GSKIP: variants seen among roughly 807,000 people sequenced by gnomAD.
GSKIP encodes GSK3B interacting protein, also known as GSK3B-interacting protein.
A neutral mutation model predicts 11.9 loss-of-function variants in GSKIP; 5 were observed. The observed-to-expected ratio is 0.42, with a 90% CI of 0.22 to 0.89. The LOEUF (loss-of-function observed/expected upper bound fraction) is 0.89. GSKIP is among the 40% of genes least tolerant of loss of function. The pLI is 0.29. For synonymous variants in GSKIP, 70 were observed against 62.9 expected, an observed-to-expected ratio of 1.11 and a Z score of -0.54; for missense variants, 150 against 166.6, an observed-to-expected ratio of 0.90 and a Z score of 0.55.
chr14:96,381,087 G>A (rs1889333958), intron 2 of GSKIP, among the ~76,000 whole-genome samples: 1 of 152,184 alleles, frequency 6.6e-6, no homozygotes, highest in African/African-American at 2.4e-5. Context: ...CAAAAAGAAA[G>A]CACAATAGCT....
chr14:96,365,895 A>C (rs1333573073), intron 1 of GSKIP, among the ~76,000 whole-genome samples: 1 of 151,984 alleles, frequency 6.6e-6, no homozygotes, highest in Non-Finnish European at 1.5e-5. Flanking sequence ...GAGGAGTGAC[A>C]CAGTATGGCC....
At chr14:96,384,119 A>G (rs989436745) in intron 3 of GSKIP, among the ~76,000 whole-genome samples, 3 of 152,228 alleles carry the variant, frequency 2.0e-5, no homozygotes, top group Non-Finnish European at 4.4e-5. Flanking sequence ...GATCTGAACC[A>G]TATGTAAAAC....
chr14:96,382,552 C>T, intron 3 of GSKIP, 47 bp downstream of exon 3: 1 of 1,458,690 alleles, frequency 6.9e-7, no homozygotes, highest in Non-Finnish European at 9.3e-7. Flanking sequence ...ATGTCTTTAC[C>T]ACTTTATCAA....
chr14:96,383,218 T>C (rs1017296987), intron 3 of GSKIP, among the ~76,000 whole-genome samples: 1 of 152,284 alleles, frequency 6.6e-6, no homozygotes, highest in South Asian at 2.1e-4. Flanking sequence ...AAGACCAGCC[T>C]GGGCAGCATA....
chr14:96,374,775 G>A (rs1889150289), intron 1 of GSKIP, among the ~76,000 whole-genome samples: 2 of 152,104 alleles, frequency 1.3e-5, no homozygotes, highest in African/African-American at 4.8e-5. Context: ...TCAGACATAG[G>A]AAAGTTGAAA....
In GSKIP at chr14:96,383,575, C is replaced by G. The variant is rs570527007; in HGVS notation, c.258+1070C>G. 2.6e-5 allele frequency among the ~76,000 whole-genome samples: 4 copies of G among 152,286 alleles called. No homozygotes were observed. The South Asian group carries it at 8.3e-4, about 32-fold the overall frequency. The stretch of plus-strand genomic sequence containing the variant: ...TTGTACATTATCATAAGGTGGTGAG[C>G]AAGGCCTGCCTAAGCAAGTAAGAAT... On this transcript the variant is annotated intron_variant, in intron 3 of 3. Coordinates refer to ENST00000555181, the MANE Select transcript of GSKIP (RefSeq NM_016472.5).
chr14:96,373,568 C>G (rs897979899), intron 1 of GSKIP, among the ~76,000 whole-genome samples: 3 of 151,494 alleles, frequency 2.0e-5, no homozygotes, highest in African/African-American at 7.3e-5. Context: ...AGTGTATTTT[C>G]ATGTGTTTAA....
At chr14:96,376,261 C>CAGATTGGGCCATCCCTGCATATCCT (rs1295375137) in intron 1 of GSKIP, among the ~76,000 whole-genome samples, 12 of 152,188 alleles carry the variant, frequency 7.9e-5, no homozygotes, top group African/African-American at 2.9e-4. Context: ...AGCATGCTGT[C>CAGATTGGGCCATCCCTGCATATCCT]AGATTGGGCC....
At chr14:96,380,700 A>G (rs1889320949) in intron 2 of GSKIP, among the ~76,000 whole-genome samples, 1 of 152,202 alleles carries the variant, frequency 6.6e-6, no homozygotes, top group East Asian at 1.9e-4. Flanking sequence ...GACTCCTTCT[A>G]AAAATGCATT....
intron 1 of GSKIP, among the ~76,000 whole-genome samples, chr14:96,368,384 G>T (rs1311891405): frequency 6.6e-6 from 1 of 151,986 alleles, no homozygotes; most frequent in Non-Finnish European, 1.5e-5. Context: ...TGCCCATGCT[G>T]GTCTCGAACT....
chr14:96,376,824 G>A (rs1889216296), intron 1 of GSKIP, among the ~76,000 whole-genome samples: 1 of 152,200 alleles, frequency 6.6e-6, no homozygotes, highest in African/African-American at 2.4e-5. Flanking sequence ...AGTCGGCTAT[G>A]TAGGTACCGA....
intron 1 of GSKIP, among the ~76,000 whole-genome samples, chr14:96,378,489 A>G (rs183487669): frequency 2.1e-4 from 32 of 152,364 alleles, no homozygotes; most frequent in Admixed American, 1.9e-3. Flanking sequence ...TGAAGCCTCT[A>G]GAAGGAATAC....
chr14:96,381,291 A>G (rs1889338211), intron 2 of GSKIP, among the ~76,000 whole-genome samples: 1 of 152,214 alleles, frequency 6.6e-6, no homozygotes, highest in Non-Finnish European at 1.5e-5. Flanking sequence ...GAGAAATTAG[A>G]AATAATATTT....
At chr14:96,364,616 T>G (rs1202093234) in intron 1 of GSKIP, 1 of 152,262 alleles carries the variant, frequency 6.6e-6, no homozygotes, top group East Asian at 1.9e-4. Context: ...CAGGGTACTT[T>G]GTATGCAGTT....
intron 1 of GSKIP, among the ~76,000 whole-genome samples, chr14:96,369,894 G>A (rs1049967441): frequency 1.3e-5 from 2 of 152,084 alleles, no homozygotes; most frequent in Admixed American, 1.3e-4. Flanking sequence ...ACAGCCACTG[G>A]CAGTGTGCAC....
intron 1 of GSKIP, chr14:96,378,919 TG>T (rs1395372835): frequency 1.3e-5 from 2 of 152,310 alleles, no homozygotes; most frequent in African/African-American, 2.4e-5. Flanking sequence ...CTCTTGGCTC[TG>T]TTTTTTTCTG....
intron 1 of GSKIP, among the ~76,000 whole-genome samples, chr14:96,369,915 G>A (rs951549286): frequency 1.3e-5 from 2 of 152,144 alleles, no homozygotes; most frequent in Non-Finnish European, 2.9e-5. Flanking sequence ...CCTCATCCTG[G>A]AAAAGCCTCA....
At chr14:96,384,511 A>G (rs1889435210) in intron 3 of GSKIP, 1 of 152,182 alleles carries the variant, frequency 6.6e-6, no homozygotes, top group South Asian at 2.1e-4. Flanking sequence ...AGTCAGCAAA[A>G]ACTAAATTAA....
At chr14:96,383,207 C>A (rs1889397003) in intron 3 of GSKIP, among the ~76,000 whole-genome samples, 1 of 152,094 alleles carries the variant, frequency 6.6e-6, no homozygotes, top group African/African-American at 2.4e-5. Flanking sequence ...AGCAGAAGTT[C>A]AAGACCAGCC....
Sources: gnomAD v4.1 joint callset for allele counts (sites outside exome capture counted in the v4.1 genomes callset) on GRCh38, gnomAD v4.1.1 for gene constraint, MANE v1.5 for transcripts, NCBI Gene and HGNC (gene_info 2026-07-23, HGNC 2026-07-21) for gene names.